The following PTPRT variants were observed in gnomAD, a reference collection of about 807,000 sequenced individuals.
The protein encoded by PTPRT is receptor-type tyrosine-protein phosphatase T.
A neutral mutation model predicts 176.8 loss-of-function variants in PTPRT; 56 were observed. That is an observed-to-expected ratio of 0.32 (90% CI 0.26 to 0.40). The LOEUF (loss-of-function observed/expected upper bound fraction) is 0.40, where lower values mean the gene tolerates loss of function less well. PTPRT is among the 10% of genes least tolerant of loss of function. The pLI, the probability that PTPRT is intolerant of heterozygous loss-of-function variation, is 1.00. For missense variants in PTPRT, 1,540 were observed against 1,908.2 expected (o/e 0.81, Z 3.60); for synonymous variants, 783 against 739.0 (o/e 1.06, Z -0.96).
intron 1 of PTPRT, among the ~76,000 whole-genome samples, chr20:43,035,359 T>C (rs1600664471): frequency 1.3e-5 from 2 of 152,346 alleles, no homozygotes; most frequent in Admixed American, 1.3e-4. Flanking sequence ...AAAAGGCTTC[T>C]GTAAAGGACC....
chr20:42,364,618 T>G (rs1158653603), intron 9 of PTPRT, among the ~76,000 whole-genome samples: 1 of 152,212 alleles, frequency 6.6e-6, no homozygotes, highest in East Asian at 1.9e-4. Context: ...TAACTTTGCC[T>G]CTGTGGTATT....
intron 7 of PTPRT, among the ~76,000 whole-genome samples, chr20:42,541,014 G>C (rs1228235663): frequency 2.0e-5 from 3 of 152,094 alleles, no homozygotes; most frequent in East Asian, 1.9e-4. Context: ...ATTATAACCA[G>C]GTGAAAAGTG....
At chr20:42,402,270 C>G (rs1158436594) in intron 9 of PTPRT, among the ~76,000 whole-genome samples, 1 of 151,950 alleles carries the variant, frequency 6.6e-6, no homozygotes, top group African/African-American at 2.4e-5. Context: ...ATCTTTCCAG[C>G]AAATTGTCCT....
chr20:43,116,740 C>T (rs2013074988), intron 1 of PTPRT, among the ~76,000 whole-genome samples: 1 of 152,168 alleles, frequency 6.6e-6, no homozygotes, highest in Non-Finnish European at 1.5e-5. Flanking sequence ...AATGTAGGTA[C>T]TTCTAATGGT....
chr20:42,956,876 C>T lies in PTPRT; in HGVS notation c.89-70944G>A, dbSNP rs186553654. ...GGCACATAAACTGAGTCCAAGATAC[C>T]GTTTCTTTGAATCCAAAAATGAGTG... On this transcript the variant is annotated intron_variant, in intron 1 of 30. Transcript: ENST00000373187. 9.2e-5 allele frequency among the ~76,000 whole-genome samples: 14 copies of T among 152,260 alleles called. No homozygotes were observed. The East Asian group carries it at 1.7e-3, about 19-fold the overall frequency.
At chr20:42,573,414 C>A (rs2073193968) in intron 7 of PTPRT, among the ~76,000 whole-genome samples, 1 of 152,176 alleles carries the variant, frequency 6.6e-6, no homozygotes, top group South Asian at 2.1e-4. Flanking sequence ...TGGAAGGACA[C>A]AAGCTGTTGA....
At chr20:42,571,079 T>C (rs757777512) in intron 7 of PTPRT, among the ~76,000 whole-genome samples, 2 of 152,302 alleles carry the variant, frequency 1.3e-5, no homozygotes, top group South Asian at 2.1e-4. Context: ...AAAATGCTTA[T>C]AAAGAACTCT....
intron 16 of PTPRT, among the ~76,000 whole-genome samples, chr20:42,189,194 C>A (rs1568656361): frequency 6.6e-6 from 1 of 152,164 alleles, no homozygotes; most frequent in Admixed American, 6.5e-5. Context: ...GTCCACCAGA[C>A]CTCACACCTC....
At chr20:42,123,830 C>T (rs1987711541) in intron 19 of PTPRT, among the ~76,000 whole-genome samples, 2 of 152,200 alleles carry the variant, frequency 1.3e-5, no homozygotes, top group Non-Finnish European at 2.9e-5. Context: ...ACCCCATCAG[C>T]TTCTTTCCAC....
At chr20:42,263,990 C>T (rs2056798332) in intron 13 of PTPRT, among the ~76,000 whole-genome samples, 1 of 151,972 alleles carries the variant, frequency 6.6e-6, no homozygotes, top group Non-Finnish European at 1.5e-5. Context: ...GACAGAGATT[C>T]AGGAGAGATT....
chr20:43,107,809 G>A (rs1477550300), intron 1 of PTPRT, among the ~76,000 whole-genome samples: 2 of 152,200 alleles, frequency 1.3e-5, no homozygotes, highest in African/African-American at 4.8e-5. Flanking sequence ...GGCGAAGAAG[G>A]TGTCAAGTTT....
chr20:42,269,642 G>GT (rs1427325866), intron 13 of PTPRT, among the ~76,000 whole-genome samples: 1 of 152,176 alleles, frequency 6.6e-6, no homozygotes. Flanking sequence ...AAAGGGGCTG[G>GT]TATTCACTTC....
chr20:43,020,180 A>G lies in PTPRT; in HGVS notation c.89-134248T>C, dbSNP rs182095491. On this transcript the variant is annotated intron_variant, in intron 1 of 30. Coordinates refer to ENST00000373187, the MANE Select transcript of PTPRT (RefSeq NM_007050.6). ...CATGTGTGTTTGTCTCTATATAATTACATATATAAGTAATATGTAATTATA... is the reference window on the plus strand; with the variant it reads ...CATGTGTGTTTGTCTCTATATAATTGCATATATAAGTAATATGTAATTATA... Among the ~76,000 whole-genome samples the G allele has an allele frequency of 1.8e-3, 264 of 147,910 alleles. 2 individuals are homozygous for G. The highest frequency in any genetic ancestry group is 0.011 in the South Asian group (50 of 4,744).
chr20:43,004,331 G>C (rs913546799), intron 1 of PTPRT, among the ~76,000 whole-genome samples: 1 of 152,102 alleles, frequency 6.6e-6, no homozygotes, highest in Non-Finnish European at 1.5e-5. Context: ...AACTATGTTC[G>C]TGTCTTCCCT....
intron 7 of PTPRT, among the ~76,000 whole-genome samples, chr20:42,521,412 A>T (rs1568946731): frequency 6.6e-6 from 1 of 152,204 alleles, no homozygotes; most frequent in Non-Finnish European, 1.5e-5. Flanking sequence ...TCTCAGAATG[A>T]CAGAAGTAAT....
intron 1 of PTPRT, among the ~76,000 whole-genome samples, chr20:43,156,055 C>G (rs1284344980): frequency 1.3e-5 from 2 of 152,192 alleles, no homozygotes; most frequent in African/African-American, 4.8e-5. Flanking sequence ...CACGACACCT[C>G]CAAGCAACAT....
At chr20:42,059,332 G>A in the PTPRT span, among the ~76,000 whole-genome samples, 37 of 152,280 alleles carry the variant, frequency 2.4e-4, no homozygotes, top group Non-Finnish European at 4.3e-4. Flanking sequence ...GACCATATTG[G>A]TATGTGTAAG....
At chr20:43,165,293 G>A (rs978563695) in intron 1 of PTPRT, among the ~76,000 whole-genome samples, 3 of 152,004 alleles carry the variant, frequency 2.0e-5, no homozygotes, top group Non-Finnish European at 4.4e-5. Flanking sequence ...CAAGTAGCTG[G>A]GATTACAGGC....
intron 15 of PTPRT, among the ~76,000 whole-genome samples, chr20:42,226,529 A>G (rs1051396497): frequency 2.0e-5 from 3 of 152,200 alleles, no homozygotes; most frequent in Non-Finnish European, 4.4e-5. Flanking sequence ...CATCATCAAC[A>G]TTGAGGGGCT....
Sources: gnomAD v4.1 joint callset for allele counts (sites outside exome capture counted in the v4.1 genomes callset) on GRCh38, gnomAD v4.1.1 for gene constraint, MANE v1.5 for transcripts, NCBI Gene and HGNC (gene_info 2026-07-23, HGNC 2026-07-21) for gene names.